Variants in DIAPH3 observed in about 807,000 individuals in gnomAD.
The protein encoded by DIAPH3 is diaphanous related formin 3, also known as protein diaphanous homolog 3.
A neutral mutation model predicts 144.3 loss-of-function variants in DIAPH3; 117 were observed. The ratio of observed to expected loss-of-function variants is 0.81; its 90% CI spans 0.70 to 0.95. The LOEUF (loss-of-function observed/expected upper bound fraction) is 0.95. Among genes scored for constraint, DIAPH3 ranks in the 40% least tolerant of loss-of-function variants. The pLI, the probability that DIAPH3 is intolerant of heterozygous loss-of-function variation, is 0.00. For synonymous variants in DIAPH3, 519 were observed against 488.9 expected (o/e 1.06, Z -0.81); for missense variants, 1,421 against 1,412.7 (o/e 1.01, Z -0.09).
chr13:59,779,656 C>T (rs1290253163), intron 25 of DIAPH3, among the ~76,000 whole-genome samples: 4 of 151,872 alleles, frequency 2.6e-5, no homozygotes, highest in Non-Finnish European at 4.4e-5. Context: ...GGATTACAGG[C>T]GTGCCCCACC....
At chr13:60,080,693 A>C (rs1411419270) in intron 4 of DIAPH3, among the ~76,000 whole-genome samples, 1 of 151,922 alleles carries the variant, frequency 6.6e-6, no homozygotes, top group Non-Finnish European at 1.5e-5. Flanking sequence ...TCTATAGGAT[A>C]ATTTTTAAAT....
chr13:59,819,083 C>A (rs951975438), intron 24 of DIAPH3, among the ~76,000 whole-genome samples: 1 of 151,796 alleles, frequency 6.6e-6, no homozygotes, highest in African/African-American at 2.4e-5. Flanking sequence ...ATTGAGTGTT[C>A]TTACTTAATT....
intron 1 of DIAPH3, among the ~76,000 whole-genome samples, chr13:60,148,973 G>A (rs1415655086): frequency 6.6e-6 from 1 of 152,292 alleles, no homozygotes; most frequent in East Asian, 1.9e-4. Context: ...CAGTATAACT[G>A]GCATTCAAAA....
At chr13:60,009,254 C>T (rs946285529) in intron 8 of DIAPH3, among the ~76,000 whole-genome samples, 1 of 152,184 alleles carries the variant, frequency 6.6e-6, no homozygotes, top group East Asian at 1.9e-4. Context: ...TAGTTAACAG[C>T]ATCCAGCACA....
intron 17 of DIAPH3, among the ~76,000 whole-genome samples, chr13:59,937,876 G>A (rs2048339428): frequency 1.3e-5 from 2 of 152,118 alleles, no homozygotes; most frequent in Non-Finnish European, 2.9e-5. Context: ...GAGTGTGGGT[G>A]TGCCAGGGTA....
At chr13:60,083,098 A>C (rs2057617249) in intron 4 of DIAPH3, among the ~76,000 whole-genome samples, 1 of 152,062 alleles carries the variant, frequency 6.6e-6, no homozygotes, top group Non-Finnish European at 1.5e-5. Flanking sequence ...TAGCGGGCTA[A>C]ATATTCTAGA....
intron 27 of DIAPH3, among the ~76,000 whole-genome samples, chr13:59,738,120 T>G (rs1365284919): frequency 2.0e-5 from 3 of 151,996 alleles, no homozygotes; most frequent in African/African-American, 7.3e-5. Context: ...TGAGCTGAGA[T>G]CACGCCACTG....
At chr13:59,829,801 G>A (rs1479437669) in intron 24 of DIAPH3, among the ~76,000 whole-genome samples, 1 of 151,904 alleles carries the variant, frequency 6.6e-6, no homozygotes, top group Non-Finnish European at 1.5e-5. Flanking sequence ...ATAGGAAACA[G>A]TAAGTACAGT....
At chr13:59,981,510 A>AC (rs1486957451) in intron 13 of DIAPH3, among the ~76,000 whole-genome samples, 1 of 145,936 alleles carries the variant, frequency 6.9e-6, no homozygotes, top group East Asian at 2.0e-4. Context: ...TTGATGTTAG[A>AC]CAAAAAAAAA....
intron 9 of DIAPH3, among the ~76,000 whole-genome samples, chr13:59,995,042 C>A (rs1252427074): frequency 2.6e-5 from 4 of 151,760 alleles, no homozygotes; most frequent in African/African-American, 7.3e-5. Flanking sequence ...AAAGCATTTA[C>A]AAGAGGCCTC....
intron 25 of DIAPH3, among the ~76,000 whole-genome samples, chr13:59,779,760 C>G (rs755292593): frequency 1.3e-5 from 2 of 152,034 alleles, no homozygotes; most frequent in African/African-American, 2.4e-5. Context: ...TATCTGCCAG[C>G]CTAGGCTTCC....
chr13:60,162,580 T>C (rs1219494925), intron 1 of DIAPH3, among the ~76,000 whole-genome samples: 1 of 152,180 alleles, frequency 6.6e-6, no homozygotes, highest in Non-Finnish European at 1.5e-5. Context: ...GTTCCTCATT[T>C]TCAATTAATC....
At chr13:60,089,472 CTTT>C (rs1280125202) in intron 4 of DIAPH3, among the ~76,000 whole-genome samples, 1 of 152,066 alleles carries the variant, frequency 6.6e-6, no homozygotes, top group African/African-American at 2.4e-5. Context: ...ATTTCTAATT[CTTT>C]TTTATTTTTA....
intron 25 of DIAPH3, among the ~76,000 whole-genome samples, chr13:59,799,315 G>T (rs542230188): frequency 2.0e-5 from 3 of 151,396 alleles, no homozygotes; most frequent in African/African-American, 7.3e-5. Flanking sequence ...GATAAGAAGA[G>T]ATCATGGAAG....
rs764267069 is a variant in DIAPH3, at chr13:59,861,431, C to G, written c.2713G>C (p.Glu905Gln). ...PDILNFVDDL[E>Q]PLDKASKVSV... ...CCTTTACTAGCTTTGTCTAAAGGTT[C>G]CAAATCATCCACAAAATTCAGTATA... Residue 905 changes from glutamate (E) to glutamine (Q), a missense_variant, in exon 22 of 28, where the codon GAA becomes CAA. By Grantham distance (29) the Glu-to-Gln change is conservative (BLOSUM62 2). Coordinates refer to ENST00000400324, the MANE Select transcript of DIAPH3 (RefSeq NM_001042517.2). The G allele has an allele frequency of 2.5e-6, 4 of 1,613,746 alleles. No individual in the cohort carries two copies. The highest frequency in any genetic ancestry group is 3.4e-6 in the Non-Finnish European group (4 of 1,179,884).
chr13:59,895,207 G>C (rs931333605), intron 20 of DIAPH3, among the ~76,000 whole-genome samples: 3 of 152,050 alleles, frequency 2.0e-5, no homozygotes, highest in Non-Finnish European at 4.4e-5. Flanking sequence ...GACAAATATA[G>C]TAAATCAAAT....
At chr13:60,091,109 T>C (rs1218598712) in intron 4 of DIAPH3, among the ~76,000 whole-genome samples, 2 of 152,226 alleles carry the variant, frequency 1.3e-5, no homozygotes, top group Non-Finnish European at 1.5e-5. Context: ...GTATCTCTTA[T>C]AATAAATGAA....
chr13:59,805,673 A>G (rs1335998334), intron 25 of DIAPH3, among the ~76,000 whole-genome samples: 1 of 152,004 alleles, frequency 6.6e-6, no homozygotes, highest in Non-Finnish European at 1.5e-5. Context: ...AGAGACCTTC[A>G]GGTTCATCAT....
intron 27 of DIAPH3, among the ~76,000 whole-genome samples, chr13:59,705,764 T>G (rs1376363263): frequency 6.6e-6 from 1 of 152,194 alleles, no homozygotes; most frequent in Non-Finnish European, 1.5e-5. Context: ...ACTAGTATAT[T>G]GGGAATATAG....
Sources: allele counts gnomAD v4.1 joint callset (sites outside exome capture counted in the v4.1 genomes callset), GRCh38; gene constraint gnomAD v4.1.1; transcripts MANE v1.5; gene names NCBI Gene and HGNC (gene_info 2026-07-23, HGNC 2026-07-21).